The following RP1 variants were observed in gnomAD, a reference collection of about 807,000 sequenced individuals.
RP1 encodes the protein RP1 axonemal microtubule associated.
In RP1, 16 loss-of-function variants were observed where a neutral mutation model predicts 14.8. The ratio of observed to expected loss-of-function variants is 1.08; its 90% confidence interval spans 0.73 to 1.65. RP1 has a LOEUF of 1.65. Among genes scored for constraint, RP1 ranks in the 40% most tolerant of loss-of-function variants. RP1 has a pLI of 0.00. For synonymous variants in RP1, 876 were observed against 883.6 expected, an observed-to-expected ratio of 0.99 and a Z score of 0.15; for missense variants, 2,631 against 2,535.0, an observed-to-expected ratio of 1.04 and a Z score of -0.81.
Position 54,814,736 on chromosome 8 carries a change from C to A in RP1, c.3616-22714C>A, listed in dbSNP as rs544752725. 2.6e-5 allele frequency among the ~76,000 whole-genome samples: 4 copies of A among 152,346 alleles called. No homozygotes were observed. In the South Asian group the frequency reaches 8.3e-4, roughly 32 times the overall value. ...AAATCACTTCAGCTATTTTGTCCTTCTTTGGAGAGGTTTGCTGCTGATCAC... is the reference window on the plus strand; with the variant it reads ...AAATCACTTCAGCTATTTTGTCCTTATTTGGAGAGGTTTGCTGCTGATCAC... On this transcript the variant is annotated intron_variant, in intron 24 of 28. Transcript: ENST00000637698.
intron 17 of RP1, among the ~76,000 whole-genome samples, chr8:54,732,741 CA>C (rs1563360914): frequency 6.6e-6 from 1 of 152,134 alleles, no homozygotes; most frequent in Admixed American, 6.6e-5. Flanking sequence ...CTAGAAATGT[CA>C]GGCACAGTGG....
intron 17 of RP1, among the ~76,000 whole-genome samples, chr8:54,731,924 C>T (rs940635953): frequency 6.6e-6 from 1 of 152,166 alleles, no homozygotes; most frequent in Admixed American, 6.5e-5. Flanking sequence ...CTACAGTTCA[C>T]CCTGTTTCAG....
intron 19 of RP1, among the ~76,000 whole-genome samples, chr8:54,740,274 C>A (rs762793464): frequency 6.6e-6 from 1 of 150,630 alleles, no homozygotes; most frequent in Non-Finnish European, 1.5e-5. Context: ...GCATGTTGTT[C>A]CCCTGAATAT....
At chr8:54,623,685 T>C (rs890336774) in intron 3 of RP1, among the ~76,000 whole-genome samples, 1 of 152,222 alleles carries the variant, frequency 6.6e-6, no homozygotes, top group South Asian at 2.1e-4. Context: ...TCTGGACTTA[T>C]GTCTAGCTCT....
intron 27 of RP1, chr8:54,865,770 A>G (rs1344001259): frequency 1.7e-6 from 1 of 581,992 alleles, no homozygotes; most frequent in African/African-American, 1.9e-5. Flanking sequence ...ACCTATGAAT[A>G]AAATCACAAT....
chr8:54,690,219 T>C (rs1807677721), intron 12 of RP1, among the ~76,000 whole-genome samples: 1 of 152,078 alleles, frequency 6.6e-6, no homozygotes, highest in African/African-American at 2.4e-5. Flanking sequence ...TCTGAGGTCA[T>C]TGCTAATAGT....
intron 13 of RP1, among the ~76,000 whole-genome samples, chr8:54,700,140 G>A (rs995437824): frequency 6.6e-6 from 1 of 151,998 alleles, no homozygotes; most frequent in East Asian, 1.9e-4. Flanking sequence ...AAGTGTGGAA[G>A]CAGGAATTTA....
At chr8:54,796,708 G>A (rs1057489835) in intron 24 of RP1, among the ~76,000 whole-genome samples, 1 of 152,148 alleles carries the variant, frequency 6.6e-6, no homozygotes, top group Non-Finnish European at 1.5e-5. Flanking sequence ...GTCTCAGAGG[G>A]AGTATGGCCT....
chr8:54,608,851 C>T (rs1431711306), intron 1 of RP1, among the ~76,000 whole-genome samples: 1 of 152,138 alleles, frequency 6.6e-6, no homozygotes. Flanking sequence ...GCTGAGTTTG[C>T]CTTCCCTCTA....
intron 25 of RP1, among the ~76,000 whole-genome samples, chr8:54,847,806 G>C (rs1811964064): frequency 1.3e-5 from 2 of 152,220 alleles, no homozygotes; most frequent in South Asian, 4.1e-4. Flanking sequence ...GGCAGTGTGT[G>C]TGGGGTCCAC....
intron 1 of RP1, among the ~76,000 whole-genome samples, chr8:54,619,879 G>T (rs3906755): frequency 6.6e-6 from 1 of 152,156 alleles, no homozygotes; most frequent in African/African-American, 2.4e-5. Context: ...ATTCCTCCTA[G>T]AACTTAATGT....
chr8:54,586,608 AG>A (rs1563319065), intron 1 of RP1, among the ~76,000 whole-genome samples: 1 of 151,732 alleles, frequency 6.6e-6, no homozygotes, highest in African/African-American at 2.4e-5. Context: ...GAGTCTACAG[AG>A]GCAGGCAGGC....
At chr8:54,575,921 T>C in intron 1 of RP1, among the ~76,000 whole-genome samples, 1 of 152,218 alleles carries the variant, frequency 6.6e-6, no homozygotes, top group Admixed American at 6.5e-5. Flanking sequence ...CGTGAGTGTG[T>C]GAGCAGAGAG....
Position 54,628,018 on chromosome 8 carries a change from A to C in RP1, c.4136A>C (p.Glu1379Ala), listed in dbSNP as rs576421254. ...GATCTAAATATTTTGACAGACCCTGAATATAAAAATGGATTTAATACATTG... is the reference window on the plus strand; with the variant it reads ...GATCTAAATATTTTGACAGACCCTGCATATAAAAATGGATTTAATACATTG... ...QKDLNILTDPEYKNGFNTLVS... is the reference protein window; with the variant it reads ...QKDLNILTDPAYKNGFNTLVS... The change falls in exon 4 of 4, where the codon GAA becomes GCA. Residue 1379 changes from glutamate to alanine, a missense_variant. Coordinates refer to ENST00000220676, the MANE Select transcript of RP1 (RefSeq NM_006269.2). 1.5e-5 allele frequency: 24 copies of C among 1,614,050 alleles called. No individual in the cohort carries two copies. In the South Asian group the frequency reaches 2.3e-4, roughly 16 times the overall value.
At chr8:54,695,754 G>A (rs1807844020) in intron 12 of RP1, among the ~76,000 whole-genome samples, 2 of 152,118 alleles carry the variant, frequency 1.3e-5, no homozygotes, top group Non-Finnish European at 2.9e-5. Flanking sequence ...GTTATCTAAT[G>A]AGTTGTGTCA....
Position 54,768,355 on chromosome 8 carries a change from A to T in RP1, c.3249-1386A>T, listed in dbSNP as rs139056547. Among the ~76,000 whole-genome samples, 5 of 152,270 alleles carry T rather than the reference A, an allele frequency of 3.3e-5. No homozygotes were observed. The East Asian group carries it at 9.6e-4, about 29-fold the overall frequency. On this transcript the variant is annotated intron_variant, in intron 22 of 22. Transcript: ENST00000636932. ...CATCTGTATTTAAGTGTCTCACCAC[A>T]CTTTGTTACATTTATATCTTTACAT...
At chr8:54,560,588 TAAG>T (rs1804263866) in intron 1 of RP1, 1 of 151,980 alleles carries the variant, frequency 6.6e-6, no homozygotes, top group Admixed American at 6.6e-5. Flanking sequence ...CACAGGTCCC[TAAG>T]GTTTCTGCGA....
chr8:54,663,995 T>A (rs753262446), intron 7 of RP1: 6 of 806,048 alleles, frequency 7.4e-6, no homozygotes, highest in Non-Finnish European at 1.1e-5. Flanking sequence ...CAACAGATCA[T>A]CAGAACTTTT....
chr8:54,799,351 T>A (rs936887998), intron 24 of RP1, among the ~76,000 whole-genome samples: 27 of 152,068 alleles, frequency 1.8e-4, no homozygotes, highest in African/African-American at 6.5e-4. Context: ...TTCTTTAAAA[T>A]TTATGAATAT....
Sources: gnomAD v4.1 joint callset for allele counts (sites outside exome capture counted in the v4.1 genomes callset) on GRCh38, gnomAD v4.1.1 for gene constraint, MANE v1.5 for transcripts, NCBI Gene and HGNC (gene_info 2026-07-23, HGNC 2026-07-21) for gene names.